GALNT17: variants seen among roughly 807,000 people sequenced by gnomAD.
GALNT17 encodes polypeptide N-acetylgalactosaminyltransferase 17, also known as UDP-GalNAc:polypeptide N-acetylgalactosaminyltransferase-like 3.
A neutral mutation model predicts 63.7 loss-of-function variants in GALNT17; 29 were observed. That is an observed-to-expected ratio of 0.46 (90% CI 0.34 to 0.62). The LOEUF (loss-of-function observed/expected upper bound fraction) is 0.62. Ranked by LOEUF, GALNT17 falls within the 20% of genes least tolerant of loss-of-function variation. The pLI is 0.01. For synonymous variants in GALNT17, 305 were observed against 318.3 expected (o/e 0.96, Z 0.45); for missense variants, 603 against 799.6 (o/e 0.75, Z 2.97).
chr7:71,169,582 G>T (rs1278577852), intron 1 of GALNT17, among the ~76,000 whole-genome samples: 1 of 152,136 alleles, frequency 6.6e-6, no homozygotes, highest in Admixed American at 6.6e-5. Flanking sequence ...TTGAGACAGG[G>T]TCTCACACTG....
chr7:71,450,043 CAAAA>C (rs35144500), intron 5 of GALNT17, among the ~76,000 whole-genome samples: 1 of 140,102 alleles, frequency 7.1e-6, no homozygotes, highest in Non-Finnish European at 1.5e-5. Flanking sequence ...AACTCCCTCT[CAAAA>C]AAAAAAAAAA....
chr7:71,536,190 A>G (rs977037997), intron 5 of GALNT17, among the ~76,000 whole-genome samples: 12 of 152,060 alleles, frequency 7.9e-5, no homozygotes, highest in East Asian at 1.9e-4. Context: ...TTTCCCAGAG[A>G]TGATTTGGCA....
intron 6 of GALNT17, among the ~76,000 whole-genome samples, chr7:71,656,513 T>C (rs1192908566): frequency 6.6e-6 from 1 of 152,042 alleles, no homozygotes; most frequent in Non-Finnish European, 1.5e-5. Flanking sequence ...GAGTGGTCGG[T>C]GGGAGCCATC....
intron 1 of GALNT17, among the ~76,000 whole-genome samples, chr7:71,234,100 G>A (rs1483161433): frequency 6.6e-6 from 1 of 152,056 alleles, no homozygotes; most frequent in Non-Finnish European, 1.5e-5. Flanking sequence ...GTGAGATTTG[G>A]GTGGGACACA....
chr7:71,135,329 C>G (rs1787764264), intron 1 of GALNT17, among the ~76,000 whole-genome samples: 1 of 152,158 alleles, frequency 6.6e-6, no homozygotes. Context: ...CAGAGAGGCT[C>G]CACCCATCCC....
intron 6 of GALNT17, among the ~76,000 whole-genome samples, chr7:71,630,749 T>A (rs1790443117): frequency 6.6e-6 from 1 of 152,174 alleles, no homozygotes; most frequent in Admixed American, 6.5e-5. Flanking sequence ...CAGCAAGAGC[T>A]GAAAACAGCC....
chr7:71,633,458 G>A (rs967961760), intron 6 of GALNT17, among the ~76,000 whole-genome samples: 1 of 152,106 alleles, frequency 6.6e-6, no homozygotes, highest in Non-Finnish European at 1.5e-5. Flanking sequence ...GGATTCTCCC[G>A]AAGTCCTTAT....
chr7:71,469,389 C>T (rs1037858436), intron 5 of GALNT17, among the ~76,000 whole-genome samples: 6 of 152,168 alleles, frequency 3.9e-5, no homozygotes, highest in African/African-American at 9.7e-5. Context: ...AAACCTTCGA[C>T]ACATTAAATT....
chr7:71,678,211 G>A (rs1237542658), intron 9 of GALNT17, among the ~76,000 whole-genome samples: 1 of 151,720 alleles, frequency 6.6e-6, no homozygotes, highest in East Asian at 2.0e-4. Context: ...TGCAACCTCC[G>A]CCTTCTGGGT....
At chr7:71,159,301 G>A (rs943872874) in intron 1 of GALNT17, among the ~76,000 whole-genome samples, 4 of 151,720 alleles carry the variant, frequency 2.6e-5, no homozygotes, top group African/African-American at 7.3e-5. Flanking sequence ...AACGTTGAGA[G>A]GTTCCTTGGA....
intron 4 of GALNT17, among the ~76,000 whole-genome samples, chr7:71,417,202 C>G (rs919768172): frequency 2.6e-5 from 4 of 152,176 alleles, no homozygotes; most frequent in South Asian, 2.1e-4. Context: ...GAACCAATAT[C>G]CCATCACTAA....
chr7:71,509,230 T>A (rs1157321616), intron 5 of GALNT17, among the ~76,000 whole-genome samples: 1 of 152,224 alleles, frequency 6.6e-6, no homozygotes, highest in Non-Finnish European at 1.5e-5. Flanking sequence ...TTAGATGATT[T>A]TCCCCGACAG....
At position 71,696,350 on chromosome 7, in the gene GALNT17, T is replaced by C. The variant is rs1469832922; in HGVS notation, c.1501-14411T>C. On this transcript the variant is annotated intron_variant, in intron 9 of 10. Coordinates refer to ENST00000333538, the MANE Select transcript of GALNT17 (RefSeq NM_022479.3). The stretch of plus-strand genomic sequence containing the variant: ...CTGGTCTTGAACTCCTAGCCTCAAG[T>C]GATCCTCCTGCCTCACCCTCCCAAA... Among the ~76,000 whole-genome samples, 4 of 152,124 alleles carry C rather than the reference T, an allele frequency of 2.6e-5. No homozygotes were observed. In the East Asian group the frequency reaches 7.7e-4, roughly 29 times the overall value.
intron 2 of GALNT17, among the ~76,000 whole-genome samples, chr7:71,380,480 C>G (rs1468531753): frequency 6.6e-6 from 1 of 151,824 alleles, no homozygotes; most frequent in African/African-American, 2.4e-5. Flanking sequence ...ACACCACACC[C>G]GGCTAATTTT....
chr7:71,432,161 C>T (rs1786878651), intron 5 of GALNT17, among the ~76,000 whole-genome samples: 3 of 151,552 alleles, frequency 2.0e-5, no homozygotes, highest in Non-Finnish European at 4.4e-5. Flanking sequence ...GGCAACAGAG[C>T]AAGACTCCGT....
At chr7:71,392,565 T>C (rs1259590574) in intron 3 of GALNT17, among the ~76,000 whole-genome samples, 6 of 152,190 alleles carry the variant, frequency 3.9e-5, no homozygotes, top group Non-Finnish European at 7.3e-5. Flanking sequence ...GGAGCACACT[T>C]TGAGAACCAT....
chr7:71,206,527 C>A (rs1210591669), intron 1 of GALNT17, among the ~76,000 whole-genome samples: 1 of 152,106 alleles, frequency 6.6e-6, no homozygotes, highest in East Asian at 1.9e-4. Flanking sequence ...GATAAAAACC[C>A]ACTTCCCAAA....
intron 1 of GALNT17, among the ~76,000 whole-genome samples, chr7:71,187,953 A>T (rs1202665): frequency 6.6e-6 from 1 of 152,018 alleles, no homozygotes; most frequent in African/African-American, 2.4e-5. Flanking sequence ...TAGCTCCCAC[A>T]TATGCGTGAG....
chr7:71,507,416 A>C (rs1788286113), intron 5 of GALNT17, among the ~76,000 whole-genome samples: 1 of 152,208 alleles, frequency 6.6e-6, no homozygotes, highest in South Asian at 2.1e-4. Context: ...TGAGGAAAAC[A>C]CTTGGTATGT....
Sources: gnomAD v4.1 joint callset for allele counts (sites outside exome capture counted in the v4.1 genomes callset) on GRCh38, gnomAD v4.1.1 for gene constraint, MANE v1.5 for transcripts, NCBI Gene and HGNC (gene_info 2026-07-23, HGNC 2026-07-21) for gene names.